CLDN10: variants seen among roughly 807,000 people sequenced by gnomAD.
CLDN10 encodes the protein claudin 10.
CLDN10 carries 15 observed loss-of-function variants against 22.9 expected under a neutral mutation model. The ratio of observed to expected loss-of-function variants is 0.65; its 90% CI spans 0.44 to 1.01. The LOEUF is 1.01. Among genes scored for constraint, CLDN10 ranks in the 50% least tolerant of loss-of-function variants. The pLI is 0.00. For missense variants in CLDN10, 247 were observed against 287.8 expected, an observed-to-expected ratio of 0.86 and a Z score of 1.03; for synonymous variants, 114 against 111.4, an observed-to-expected ratio of 1.02 and a Z score of -0.15.
At chr13:95,510,610 T>G (rs2043086225) in intron 1 of CLDN10, among the ~76,000 whole-genome samples, 1 of 152,272 alleles carries the variant, frequency 6.6e-6, no homozygotes, top group Middle Eastern at 3.4e-3. Context: ...TACCATAATC[T>G]TTTCTATACC....
At chr13:95,560,661 G>T (rs2043696299) in intron 3 of CLDN10, 198 bp downstream of exon 3, 3 of 574,666 alleles carry the variant, frequency 5.2e-6, no homozygotes, top group Non-Finnish European at 9.3e-6. Flanking sequence ...TGCTAGTGTT[G>T]CAGTGTCTTG....
chr13:95,560,195 T>C lies in CLDN10; in HGVS notation c.284T>C (p.Ile95Thr). The C allele has an allele frequency of 6.2e-7, 1 of 1,614,208 alleles. No homozygotes were observed. The highest frequency in any genetic ancestry group is 8.5e-7 in the Non-Finnish European group (1 of 1,180,020). The part of the protein sequence containing the change: ...AAVSLGFFGS[I>T]FALFGMKCTK... Reference sequence around the variant, plus strand: ...GTCAGCCTGGGCTTCTTTGGTTCCATATTTGCGCTCTTTGGAATGAAGTGT... The same window carrying C: ...GTCAGCCTGGGCTTCTTTGGTTCCACATTTGCGCTCTTTGGAATGAAGTGT... The change falls in exon 2 of 5, where the codon ATA (isoleucine) becomes ACA (threonine). Residue 95 changes from isoleucine (I) to threonine (T), a missense_variant. Physicochemically the swap from Ile to Thr is moderately conservative, Grantham distance 89 (BLOSUM62 -1). Transcript: ENST00000299339.
intron 1 of CLDN10, among the ~76,000 whole-genome samples, chr13:95,535,748 A>G (rs763548007): frequency 7.9e-5 from 12 of 152,124 alleles, no homozygotes; most frequent in Non-Finnish European, 1.8e-4. Flanking sequence ...TGTGATGTGA[A>G]AAGGGGTAAG....
intron 1 of CLDN10, among the ~76,000 whole-genome samples, chr13:95,506,716 A>G (rs754606973): frequency 6.6e-6 from 1 of 152,090 alleles, no homozygotes; most frequent in Non-Finnish European, 1.5e-5. Context: ...ATTTTATCCA[A>G]CTTGGTGAGA....
intron 1 of CLDN10, among the ~76,000 whole-genome samples, chr13:95,486,521 T>G (rs201286347): frequency 3.0e-5 from 1 of 33,428 alleles, no homozygotes; most frequent in South Asian, 9.5e-4. Context: ...AGACCCCATC[T>G]CAAAAAAAAA....
chr13:95,464,128 G>C (rs1447242269), intron 1 of CLDN10, among the ~76,000 whole-genome samples: 3 of 151,004 alleles, frequency 2.0e-5, no homozygotes, highest in African/African-American at 7.3e-5. Context: ...TATATTTTAA[G>C]TTCTAGGGTA....
Position 95,577,319 on chromosome 13 carries a change from GACA to G in CLDN10, c.561_563del (p.Asn187del), listed in dbSNP as rs2043947942. On this transcript the variant is annotated inframe_deletion, in exon 4 of 5. Coordinates refer to ENST00000299339, the MANE Select transcript of CLDN10 (RefSeq NM_006984.5). Reference sequence around the variant, plus strand: ...TGTCATATTTTGCTTTTCAATATCTGACAACAACAAAACACCCAGGTATGAAAA... The same window carrying G: ...TGTCATATTTTGCTTTTCAATATCTGACAACAAAACACCCAGGTATGAAAA... 49 of 1,612,594 alleles carry G rather than the reference GACA, an allele frequency of 3.0e-5. No individual in the cohort carries two copies. The highest frequency in any genetic ancestry group is 3.3e-4 in the Middle Eastern group (2 of 6,046).
intron 1 of CLDN10, among the ~76,000 whole-genome samples, chr13:95,448,199 TAC>T (rs766126301): frequency 6.6e-6 from 1 of 151,080 alleles, no homozygotes; most frequent in Admixed American, 6.6e-5. Flanking sequence ...CTCAACACAC[TAC>T]ACACACACAC....
chr13:95,469,001 T>A (rs2042604974), intron 1 of CLDN10, among the ~76,000 whole-genome samples: 2 of 152,286 alleles, frequency 1.3e-5, no homozygotes, highest in African/African-American at 4.8e-5. Context: ...ACATTATGAT[T>A]TCATAATAAT....
chr13:95,515,766 G>A (rs904729609), intron 1 of CLDN10, among the ~76,000 whole-genome samples: 1 of 152,160 alleles, frequency 6.6e-6, no homozygotes, highest in Non-Finnish European at 1.5e-5. Context: ...AGAGGAAGGC[G>A]CTTGACTGGT....
chr13:95,474,180 T>C (rs940800046), intron 1 of CLDN10, among the ~76,000 whole-genome samples: 1 of 152,066 alleles, frequency 6.6e-6, no homozygotes, highest in Non-Finnish European at 1.5e-5. Context: ...CTGGGGGTGA[T>C]GGGAGACAGT....
rs535798422 is a variant in CLDN10, at chr13:95,570,098, C to T, written c.465-7133C>T. ...AGCCACGTACACCCACATCCACACA[C>T]GGATTCTTGACCCATGCTTACCAAT... On this transcript the variant is annotated intron_variant, in intron 3 of 4. Transcript: ENST00000299339. Among the ~76,000 whole-genome samples the T allele has an allele frequency of 4.8e-4, 73 of 152,202 alleles. 1 individual carries two copies. Among genetic ancestry groups the T allele is most frequent in the Non-Finnish European group, 9.0e-4 (61 of 68,038 alleles).
At chr13:95,519,926 T>TA (rs778229909) in intron 1 of CLDN10, among the ~76,000 whole-genome samples, 1 of 152,208 alleles carries the variant, frequency 6.6e-6, no homozygotes, top group Non-Finnish European at 1.5e-5. Context: ...GAAAATCAGA[T>TA]ATGAAAAGCG....
intron 3 of CLDN10, among the ~76,000 whole-genome samples, chr13:95,571,955 A>G (rs1295522507): frequency 6.6e-6 from 1 of 152,246 alleles, no homozygotes; most frequent in Non-Finnish European, 1.5e-5. Context: ...TTGAAGGATG[A>G]CAAAAGACCT....
Position 95,572,142 on chromosome 13 carries a change from G to A in CLDN10, c.465-5089G>A, listed in dbSNP as rs1375021001. Among the ~76,000 whole-genome samples, 6 of 152,088 alleles carry A rather than the reference G, an allele frequency of 3.9e-5. No homozygotes were observed. The East Asian group carries it at 5.8e-4, about 15-fold the overall frequency. ...TGGTATCCTCACCTCTTTTTGTGCC[G>A]GAAGAAAAGGCAGCCCGAGGGCATT... On this transcript the variant is annotated intron_variant, in intron 3 of 4. Coordinates refer to ENST00000299339, the MANE Select transcript of CLDN10 (RefSeq NM_006984.5).
At chr13:95,479,763 G>A (rs2042724151) in intron 1 of CLDN10, 1 of 152,214 alleles carries the variant, frequency 6.6e-6, no homozygotes, top group African/African-American at 2.4e-5. Flanking sequence ...CACATAGCCA[G>A]TGACAGATGC....
chr13:95,474,463 C>T (rs2042665880), intron 1 of CLDN10, among the ~76,000 whole-genome samples: 1 of 151,962 alleles, frequency 6.6e-6, no homozygotes, highest in African/African-American at 2.4e-5. Context: ...AGCCCATGGC[C>T]CAGGGGTTGG....
At chr13:95,563,059 G>C (rs2043736191) in intron 3 of CLDN10, among the ~76,000 whole-genome samples, 1 of 145,568 alleles carries the variant, frequency 6.9e-6, no homozygotes, top group South Asian at 2.2e-4. Flanking sequence ...ATTCTCATTA[G>C]CTTCTTGGAA....
At chr13:95,567,072 T>C (rs1044567935) in intron 3 of CLDN10, among the ~76,000 whole-genome samples, 5 of 152,224 alleles carry the variant, frequency 3.3e-5, no homozygotes, top group Non-Finnish European at 7.3e-5. Context: ...CCAGCTTTGT[T>C]CTTTTTGCTT....
Sources: allele counts gnomAD v4.1 joint callset (sites outside exome capture counted in the v4.1 genomes callset), GRCh38; gene constraint gnomAD v4.1.1; transcripts MANE v1.5; gene names NCBI Gene and HGNC (gene_info 2026-07-23, HGNC 2026-07-21).